SEH1L: variants seen among roughly 807,000 people sequenced by gnomAD.
SEH1L encodes SEH1 like nucleoporin.
In SEH1L, 18 loss-of-function variants were observed where a neutral mutation model predicts 49.5. The ratio of observed to expected loss-of-function variants is 0.36; its 90% confidence interval spans 0.25 to 0.54. The LOEUF (loss-of-function observed/expected upper bound fraction) is 0.54. Ranked by LOEUF, SEH1L falls within the 20% of genes least tolerant of loss-of-function variation. SEH1L has a pLI of 0.87. For synonymous variants in SEH1L, 169 were observed against 178.1 expected, an observed-to-expected ratio of 0.95 and a Z score of 0.41; for missense variants, 404 against 528.8, an observed-to-expected ratio of 0.76 and a Z score of 2.31.
At chr18:12,960,483 C>T (rs2031119173) in intron 3 of SEH1L, among the ~76,000 whole-genome samples, 1 of 152,146 alleles carries the variant, frequency 6.6e-6, no homozygotes, top group Non-Finnish European at 1.5e-5. Context: ...ATCTGTATGT[C>T]TCCTTGTCCT....
At chr18:12,949,517 A>G (rs188991794) in intron 1 of SEH1L, among the ~76,000 whole-genome samples, 3,648 of 125,754 alleles carry the variant, frequency 0.029, 140 homozygotes, top group African/African-American at 0.11. Flanking sequence ...GGGTGGCGCA[A>G]TCTTGGCTCA....
chr18:12,975,942 CAA>C, intron 5 of SEH1L: 1 of 882,110 alleles, frequency 1.1e-6, no homozygotes, highest in African/African-American at 1.8e-5. Flanking sequence ...GGGGACTGAG[CAA>C]AGAGGAGTGA....
At chr18:12,982,748 T>G in intron 7 of SEH1L, 73 bp downstream of exon 7, 1 of 1,204,412 alleles carries the variant, frequency 8.3e-7, no homozygotes, top group East Asian at 2.5e-5. Flanking sequence ...ATGTAAACTC[T>G]GAAATATTTT....
intron 1 of SEH1L, 114 bp downstream of exon 1, chr18:12,948,346 G>A: frequency 2.6e-6 from 2 of 765,834 alleles, no homozygotes; most frequent in Non-Finnish European, 4.3e-6. Context: ...GAAGCTGTGG[G>A]GTGGCGGGCG....
At chr18:12,948,839 ATTTCT>A (rs1313380016) in intron 1 of SEH1L, 12 of 145,270 alleles carry the variant, frequency 8.3e-5, no homozygotes, top group Non-Finnish European at 1.5e-4. Flanking sequence ...GACAAGCAGA[ATTTCT>A]TTTCTTTTTT....
chr18:12,987,008 G>C lies in SEH1L; in HGVS notation c.1217G>C (p.Arg406Pro). The part of the protein sequence containing the change: ...ANLQYPHPRR[R>P]YLSRPLNPLP... ...CTCCAGTATCCTCACCCTCGCAGAC[G>C]ATATCTCTCTCGGCCTCTTAATCCC... The change falls in exon 9 of 9, where the codon CGA becomes CCA. Residue 406 changes from arginine to proline, a missense_variant. Arg to Pro is a moderately radical substitution (Grantham distance 103). Transcript: ENST00000399892. 3.7e-6 allele frequency: 6 copies of C among 1,613,230 alleles called. No individual in the cohort carries two copies. Among genetic ancestry groups the C allele is most frequent in the Non-Finnish European group, 5.1e-6 (6 of 1,179,532 alleles).
At chr18:12,969,975 T>A (rs1306324416) in intron 4 of SEH1L, among the ~76,000 whole-genome samples, 2 of 152,194 alleles carry the variant, frequency 1.3e-5, no homozygotes, top group Non-Finnish European at 2.9e-5. Context: ...GGCCAAAAAT[T>A]ATTATAAATA....
chr18:12,957,171 T>C (rs1298536240), intron 3 of SEH1L, among the ~76,000 whole-genome samples: 1 of 152,212 alleles, frequency 6.6e-6, no homozygotes, highest in African/African-American at 2.4e-5. Context: ...CTCACGCCTA[T>C]AATCCCAGCA....
chr18:12,953,273 A>G (rs1458039322), intron 2 of SEH1L, among the ~76,000 whole-genome samples: 1 of 152,184 alleles, frequency 6.6e-6, no homozygotes, highest in Non-Finnish European at 1.5e-5. Context: ...CAGTTGACGG[A>G]CATTTGAGTT....
chr18:12,976,435 A>G (rs776978394), intron 5 of SEH1L: 89 of 152,422 alleles, frequency 5.8e-4, no homozygotes, highest in Non-Finnish European at 9.5e-4. Flanking sequence ...GGTGCGGGTC[A>G]TGGGGGCACT....
At chr18:12,981,041 G>A (rs1228669046) in intron 6 of SEH1L, among the ~76,000 whole-genome samples, 4 of 149,724 alleles carry the variant, frequency 2.7e-5, no homozygotes, top group Admixed American at 6.6e-5. Context: ...GCTGCCGGGC[G>A]GAGGGGCTTC....
At chr18:12,983,164 G>A (rs1447370818) in intron 7 of SEH1L, 1 of 152,804 alleles carries the variant, frequency 6.5e-6, no homozygotes, top group African/African-American at 2.4e-5. Flanking sequence ...CTGGTCAGTT[G>A]ACACTGACTG....
chr18:12,954,317 C>T lies in SEH1L; in HGVS notation c.163-1146C>T, dbSNP rs562610389. On this transcript the variant is annotated intron_variant, in intron 2 of 8. Coordinates refer to ENST00000399892, the MANE Select transcript of SEH1L (RefSeq NM_001013437.2). ...TCCCTTCTCCAGCCACCTCCCCTCCCACCCCTTGGCCAACAGGAGGGGTGT... is the reference window on the plus strand; with the variant it reads ...TCCCTTCTCCAGCCACCTCCCCTCCTACCCCTTGGCCAACAGGAGGGGTGT... Among the ~76,000 whole-genome samples the T allele has an allele frequency of 6.0e-4, 91 of 152,324 alleles. 1 individual carries two copies. The South Asian group carries it at 0.016, about 27-fold the overall frequency.
intron 7 of SEH1L, among the ~76,000 whole-genome samples, chr18:12,983,486 C>T (rs1280902625): frequency 6.6e-6 from 1 of 152,182 alleles, no homozygotes; most frequent in African/African-American, 2.4e-5. Context: ...CCTTGCCATG[C>T]TCCCCAGCAG....
At chr18:12,956,434 C>A (rs1459645967) in intron 3 of SEH1L, among the ~76,000 whole-genome samples, 1 of 139,334 alleles carries the variant, frequency 7.2e-6, no homozygotes, top group Non-Finnish European at 1.5e-5. Flanking sequence ...CCATACAGAT[C>A]CACTGTGTGT....
intron 2 of SEH1L, among the ~76,000 whole-genome samples, chr18:12,954,027 C>T (rs975812568): frequency 6.6e-5 from 10 of 151,554 alleles, no homozygotes; most frequent in Non-Finnish European, 1.5e-5. Context: ...TTTTATAGCC[C>T]TGTATAAGTA....
intron 6 of SEH1L, among the ~76,000 whole-genome samples, chr18:12,980,716 C>T (rs559273634): frequency 1.9e-4 from 16 of 83,874 alleles, no homozygotes; most frequent in Admixed American, 3.0e-4. Context: ...ACTTCCCTCC[C>T]GGACGGGGCG....
chr18:12,955,930 C>G (rs1407343848), intron 3 of SEH1L, among the ~76,000 whole-genome samples: 1 of 151,596 alleles, frequency 6.6e-6, no homozygotes, highest in Non-Finnish European at 1.5e-5. Flanking sequence ...ACTGCAGTCT[C>G]AAACTCCTGG....
At chr18:12,955,891 T>C (rs565690570) in intron 3 of SEH1L, among the ~76,000 whole-genome samples, 8 of 152,118 alleles carry the variant, frequency 5.3e-5, no homozygotes, top group Non-Finnish European at 1.2e-4. Context: ...TTTATGATAG[T>C]AATATATGAT....
Sources: allele counts gnomAD v4.1 joint callset (sites outside exome capture counted in the v4.1 genomes callset), GRCh38; gene constraint gnomAD v4.1.1; transcripts MANE v1.5; gene names NCBI Gene and HGNC (gene_info 2026-07-23, HGNC 2026-07-21).